CLEC6A: variants seen among roughly 807,000 people sequenced by gnomAD.
The protein encoded by CLEC6A is C-type lectin domain containing 6A.
CLEC6A carries 22 observed loss-of-function variants against 25.7 expected under a neutral mutation model. The ratio of observed to expected loss-of-function variants is 0.85; its 90% CI spans 0.61 to 1.22. The LOEUF (loss-of-function observed/expected upper bound fraction) is 1.22, where lower values mean the gene tolerates loss of function less well. CLEC6A is among the 50% of genes most tolerant of loss of function. The pLI is 0.00. For synonymous variants in CLEC6A, 92 were observed against 76.7 expected, an observed-to-expected ratio of 1.20 and a Z score of -1.04; for missense variants, 240 against 236.8, an observed-to-expected ratio of 1.01 and a Z score of -0.09.
At chr12:8,473,929 T>G (rs769496237) in intron 4 of CLEC6A, among the ~76,000 whole-genome samples, 12 of 152,180 alleles carry the variant, frequency 7.9e-5, no homozygotes, top group Non-Finnish European at 1.3e-4. Context: ...GTTGTTTGTT[T>G]CTTGTTTGTT....
chr12:8,459,011 A>G (rs1410458404), intron 2 of CLEC6A, among the ~76,000 whole-genome samples: 1 of 152,182 alleles, frequency 6.6e-6, no homozygotes, highest in Non-Finnish European at 1.5e-5. Context: ...TACTTAGCCC[A>G]TATGTTTATG....
chr12:8,477,615 C>G lies in CLEC6A; in HGVS notation c.*151C>G. The G allele has an allele frequency of 1.9e-6, 1 of 521,384 alleles. No homozygotes were observed. The highest frequency in any genetic ancestry group is 4.0e-5 in the Admixed American group (1 of 24,696). The allele number at this position is 521,384 out of a possible 1,614,324, so 32.3% of individuals were successfully genotyped here. On this transcript the variant is annotated 3_prime_UTR_variant, in exon 6 of 6. Transcript: ENST00000382073. ...GAGGTTCACAGAAATGGAAAGATAC[C>G]TGTTTCCCTTTAATCAATCTTCTCG... is the stretch of plus-strand genomic sequence containing the variant.
intron 4 of CLEC6A, among the ~76,000 whole-genome samples, chr12:8,466,135 T>A (rs918407099): frequency 2.6e-5 from 4 of 152,224 alleles, no homozygotes; most frequent in African/African-American, 9.6e-5. Flanking sequence ...ATTTAAGGTG[T>A]ACACTGTGAT....
chr12:8,458,150 A>G (rs1939703169), intron 2 of CLEC6A, among the ~76,000 whole-genome samples, 163 bp downstream of exon 2: 1 of 151,932 alleles, frequency 6.6e-6, no homozygotes, highest in African/African-American at 2.4e-5. Context: ...TTCTCCCTCT[A>G]TCTTTTGAAA....
chr12:8,460,463 A>G (rs1021266385), intron 3 of CLEC6A, among the ~76,000 whole-genome samples: 2 of 152,204 alleles, frequency 1.3e-5, no homozygotes, highest in South Asian at 2.1e-4. Flanking sequence ...AGATTCAATT[A>G]TCTCCCACAG....
chr12:8,456,327 A>G lies in CLEC6A; in HGVS notation c.31+185A>G, dbSNP rs1939674540. 3.3e-5 allele frequency among the ~76,000 whole-genome samples: 5 copies of G among 152,196 alleles called. No homozygotes were observed. In the South Asian group the frequency reaches 1.0e-3, roughly 31 times the overall value. The stretch of plus-strand genomic sequence containing the variant: ...AGCCATAAGCACTTGAAAGAATAAG[A>G]AAGCAAATATTTTTTGGGAGGTTTG... On this transcript the variant is annotated intron_variant, in intron 1 of 5. Transcript: ENST00000382073.
chr12:8,474,890 TTTTAAAATTATAC>T (rs1361519197), intron 4 of CLEC6A, among the ~76,000 whole-genome samples: 6 of 152,192 alleles, frequency 3.9e-5, no homozygotes, highest in Non-Finnish European at 8.8e-5. Flanking sequence ...TCTTTCTTTT[TTTTAAAATTATAC>T]TTTAAGTTCT....
chr12:8,460,753 G>A, intron 3 of CLEC6A: 5 of 1,436,118 alleles, frequency 3.5e-6, no homozygotes, highest in Non-Finnish European at 4.9e-6. Context: ...CACCTGGCCT[G>A]ATAAAGCGGG....
At chr12:8,474,331 T>C (rs780503769) in intron 4 of CLEC6A, among the ~76,000 whole-genome samples, 1 of 152,332 alleles carries the variant, frequency 6.6e-6, no homozygotes, top group South Asian at 2.1e-4. Context: ...TAGGGAATTC[T>C]TTCTCTACTG....
intron 3 of CLEC6A, chr12:8,460,853 C>A: frequency 1.1e-6 from 1 of 906,268 alleles, no homozygotes; most frequent in East Asian, 2.4e-5. Context: ...CCTAAGGGTA[C>A]AACTTACCGC....
chr12:8,463,621 A>T (rs1208407859), intron 3 of CLEC6A, among the ~76,000 whole-genome samples: 1 of 152,216 alleles, frequency 6.6e-6, no homozygotes, highest in Non-Finnish European at 1.5e-5. Context: ...TGATCAGGTT[A>T]CTCCCAATGT....
At chr12:8,475,974 G>T in intron 4 of CLEC6A, 151 bp from the exon 5 acceptor site, 1 of 505,120 alleles carries the variant, frequency 2.0e-6, no homozygotes, top group Non-Finnish European at 3.5e-6. Context: ...GTTACTTTTG[G>T]CCTGTACTCC....
At chr12:8,457,857 G>A (rs1042585248) in intron 1 of CLEC6A, 41 bp from the exon 2 acceptor site, 1 of 1,479,324 alleles carries the variant, frequency 6.8e-7, no homozygotes, top group South Asian at 1.1e-5. Flanking sequence ...TGGCTCCCTG[G>A]CCCCCTGGTA....
At chr12:8,468,414 A>G (rs1939864759) in intron 4 of CLEC6A, among the ~76,000 whole-genome samples, 1 of 152,186 alleles carries the variant, frequency 6.6e-6, no homozygotes, top group Non-Finnish European at 1.5e-5. Context: ...TGTTACATAT[A>G]AGATTATGTC....
chr12:8,465,662 A>C, intron 4 of CLEC6A, 33 bp downstream of exon 4: 3 of 1,582,206 alleles, frequency 1.9e-6, no homozygotes, highest in Non-Finnish European at 2.6e-6. Context: ...ATTTAATTGT[A>C]GAGAAAACAC....
chr12:8,477,384 C>A lies in CLEC6A; in HGVS notation c.550C>A (p.Pro184Thr). The A allele has an allele frequency of 6.2e-7, 1 of 1,612,346 alleles. No homozygotes were observed. The highest frequency in any genetic ancestry group is 8.5e-7 in the Non-Finnish European group (1 of 1,178,816). ...EQCASIVFWK[P>T]TGWGWNDVIC... ...ATGTGCTTCAATAGTCTTCTGGAAA[C>A]CTACAGGATGGGGCTGGAATGATGT... The change falls in exon 6 of 6, where the codon CCT becomes ACT. Residue 184 changes from proline to threonine, a missense_variant. Coordinates refer to ENST00000382073, the MANE Select transcript of CLEC6A (RefSeq NM_001007033.2).
intron 3 of CLEC6A, among the ~76,000 whole-genome samples, chr12:8,464,475 T>A (rs4303299): frequency 1.3e-5 from 2 of 151,732 alleles, no homozygotes; most frequent in Admixed American, 1.3e-4. Flanking sequence ...ACTAAAGGCG[T>A]CCGCCACCAC....
At chr12:8,467,014 G>A (rs1939841540) in intron 4 of CLEC6A, among the ~76,000 whole-genome samples, 1 of 152,162 alleles carries the variant, frequency 6.6e-6, no homozygotes. Flanking sequence ...GTCTATTCAA[G>A]TCCTTTGCCC....
chr12:8,456,585 A>C (rs1418465181), intron 1 of CLEC6A, among the ~76,000 whole-genome samples: 1 of 152,212 alleles, frequency 6.6e-6, no homozygotes, highest in Non-Finnish European at 1.5e-5. Context: ...CTTTAGCTTC[A>C]ACCCTTTGCA....
Sources: gnomAD v4.1 joint callset for allele counts (sites outside exome capture counted in the v4.1 genomes callset) on GRCh38, gnomAD v4.1.1 for gene constraint, MANE v1.5 for transcripts, NCBI Gene and HGNC (gene_info 2026-07-23, HGNC 2026-07-21) for gene names.